The following DRAM2 variants were observed in gnomAD, a reference collection of about 807,000 sequenced individuals.
The protein encoded by DRAM2 is DNA damage-regulated autophagy modulator protein 2.
DRAM2 carries 26 observed loss-of-function variants against 33.5 expected under a neutral mutation model. The ratio of observed to expected loss-of-function variants is 0.78; its 90% CI spans 0.57 to 1.08. DRAM2 has a LOEUF of 1.08. Among genes scored for constraint, DRAM2 ranks in the 50% least tolerant of loss-of-function variants. DRAM2 has a pLI of 0.00. For missense variants in DRAM2, 311 were observed against 318.1 expected (o/e 0.98, Z 0.17); for synonymous variants, 98 against 109.5 (o/e 0.89, Z 0.66).
intron 1 of DRAM2, 84 bp downstream of exon 1, chr1:111,139,954 C>G (rs986082169): frequency 6.6e-6 from 1 of 152,464 alleles, no homozygotes; most frequent in Non-Finnish European, 1.5e-5. Flanking sequence ...CCCGAGCTGC[C>G]AGATCCCACC....
intron 6 of DRAM2, 81 bp downstream of exon 6, chr1:111,124,661 A>T: frequency 6.9e-7 from 1 of 1,454,904 alleles, no homozygotes; most frequent in South Asian, 1.3e-5. Context: ...AACAGCATGT[A>T]ACTGAATGCT....
chr1:111,138,797 A>G (rs1045162900), intron 2 of DRAM2, among the ~76,000 whole-genome samples: 1 of 152,210 alleles, frequency 6.6e-6, no homozygotes, highest in Admixed American at 6.5e-5. Context: ...AAAGAAAAGA[A>G]AAAGTCTTGC....
chr1:111,137,882 TAGAG>T (rs1253245275), intron 2 of DRAM2, among the ~76,000 whole-genome samples: 2 of 152,212 alleles, frequency 1.3e-5, no homozygotes, highest in African/African-American at 4.8e-5. Flanking sequence ...TCTTCTCCTA[TAGAG>T]AGACATGAGG....
intron 4 of DRAM2, among the ~76,000 whole-genome samples, chr1:111,126,519 TA>T (rs1651054004): frequency 6.6e-6 from 1 of 151,980 alleles, no homozygotes; most frequent in Admixed American, 6.6e-5. Flanking sequence ...CTCTTCCACA[TA>T]GTAGAAATCA....
chr1:111,130,561 G>A lies in DRAM2; in HGVS notation c.131+863C>T, dbSNP rs1035193783. 3.3e-5 allele frequency among the ~76,000 whole-genome samples: 5 copies of A among 150,148 alleles called. 1 individual carries two copies. Among genetic ancestry groups the A allele is most frequent in the South Asian group, 2.1e-4 (1 of 4,742 alleles). ...TCTACTAAAAATACAAAAATTAGGC[G>A]TGGTGGTGTGCGCCTGTAATTCTAG... On this transcript the variant is annotated intron_variant, in intron 4 of 9. Coordinates refer to ENST00000484310, the MANE Select transcript of DRAM2 (RefSeq NM_001349884.2).
intron 9 of DRAM2, 63 bp from the exon 10 acceptor site, chr1:111,118,330 T>C (rs1649330780): frequency 9.3e-7 from 1 of 1,070,892 alleles, no homozygotes; most frequent in Non-Finnish European, 1.4e-6. Context: ...ACTCCTTCAA[T>C]ATGTTCTATA....
intron 2 of DRAM2, among the ~76,000 whole-genome samples, chr1:111,138,483 G>A (rs1653735165): frequency 6.6e-6 from 1 of 152,206 alleles, no homozygotes; most frequent in South Asian, 2.1e-4. Context: ...CAGTAAGAAT[G>A]TTTATAAAAA....
chr1:111,134,206 ATTTT>A (rs1175117837), intron 3 of DRAM2, among the ~76,000 whole-genome samples: 2 of 152,088 alleles, frequency 1.3e-5, no homozygotes, highest in African/African-American at 2.4e-5. Flanking sequence ...CATGCTTTTA[ATTTT>A]TTTAATTTTT....
intron 4 of DRAM2, among the ~76,000 whole-genome samples, chr1:111,129,231 A>T (rs762507726): frequency 6.6e-5 from 10 of 152,232 alleles, no homozygotes; most frequent in Non-Finnish European, 8.8e-5. Context: ...TAAACAAATG[A>T]ATAAATGAAA....
At chr1:111,122,619 T>G (rs1197149620) in intron 6 of DRAM2, 1 of 151,480 alleles carries the variant, frequency 6.6e-6, no homozygotes, top group East Asian at 1.9e-4. Context: ...CACTCACCAC[T>G]TTAATTAAGT....
At chr1:111,136,828 G>C (rs1653277220) in intron 3 of DRAM2, among the ~76,000 whole-genome samples, 1 of 151,980 alleles carries the variant, frequency 6.6e-6, no homozygotes, top group Non-Finnish European at 1.5e-5. Context: ...CAAAAAATTA[G>C]CCGGGGGTGA....
chr1:111,136,791 G>A lies in DRAM2; in HGVS notation c.-15+732C>T, dbSNP rs578192072. ...CACGTGTCACCATCCTGGCCAACAC[G>A]GTGAAACCCCGTTTCTACTAGAAAT... On this transcript the variant is annotated intron_variant, in intron 3 of 9. Coordinates refer to ENST00000484310, the MANE Select transcript of DRAM2 (RefSeq NM_001349884.2). Among the ~76,000 whole-genome samples, 130 of 152,244 alleles carry A rather than the reference G, an allele frequency of 8.5e-4. 1 individual carries two copies. The South Asian group carries it at 0.013, about 15-fold the overall frequency.
Position 111,126,235 on chromosome 1 carries a change from G to C in DRAM2, c.191C>G (p.Ala64Gly), listed in dbSNP as rs777961170. 6.2e-7 allele frequency: 1 copy of C among 1,607,848 alleles called. No individual in the cohort carries two copies. Among genetic ancestry groups the C allele is most frequent in the Non-Finnish European group, 8.5e-7 (1 of 1,175,748 alleles). Residue 64 changes from alanine (A) to glycine (G), a missense_variant, in exon 5 of 10, where the codon GCA becomes GGA. Coordinates refer to ENST00000484310, the MANE Select transcript of DRAM2 (RefSeq NM_001349884.2). ...CLFGAMLNIA[A>G]VLCIATIYVR... ...TCACTTTCATTACTTACATAAAACTGCCGCAATATTTAGCATTGCCCCAAA... is the reference window on the plus strand; with the variant it reads ...TCACTTTCATTACTTACATAAAACTCCCGCAATATTTAGCATTGCCCCAAA...
chr1:111,123,942 C>T (rs573639497), intron 6 of DRAM2, among the ~76,000 whole-genome samples: 3 of 152,318 alleles, frequency 2.0e-5, no homozygotes, highest in Admixed American at 2.0e-4. Context: ...CTTGTACAAC[C>T]TGCAGAACTA....
At position 111,127,229 on chromosome 1, in the gene DRAM2, A is replaced by G. The variant is rs375719531; in HGVS notation, c.132-935T>C. Among the ~76,000 whole-genome samples, 5 of 152,318 alleles carry G rather than the reference A, an allele frequency of 3.3e-5. No individual in the cohort carries two copies. In the East Asian group the frequency reaches 7.7e-4, roughly 23 times the overall value. On this transcript the variant is annotated intron_variant, in intron 4 of 9. Coordinates refer to ENST00000484310, the MANE Select transcript of DRAM2 (RefSeq NM_001349884.2). ...TCTTTCCCCTTCTTAAAACTACTAC[A>G]AAGATTAAAAAGACAGTGTCTTTGG...
At position 111,139,537 on chromosome 1, in the gene DRAM2, T is replaced by C. The variant is rs1420248802; in HGVS notation, c.-115A>G. ...GTACTCAACAGGAACGTGTACTCAA[T>C]TAGCTTTTGTGGGAAAGGGTTGAAG... On this transcript the variant is annotated 5_prime_UTR_variant, in exon 2 of 10. Coordinates refer to ENST00000484310, the MANE Select transcript of DRAM2 (RefSeq NM_001349884.2). 1 of 152,208 alleles carries C rather than the reference T, an allele frequency of 6.6e-6. No homozygotes were observed. The highest frequency in any genetic ancestry group is 1.5e-5 in the Non-Finnish European group (1 of 68,056). The allele number at this position is 152,208 out of a possible 1,614,324, so 9.4% of individuals were successfully genotyped here.
At position 111,133,185 on chromosome 1, in the gene DRAM2, T is replaced by C. The variant is rs181395260; in HGVS notation, c.-14-1617A>G. On this transcript the variant is annotated intron_variant, in intron 3 of 9. Transcript: ENST00000484310. The stretch of plus-strand genomic sequence containing the variant: ...TGTCTTGTCTTTACTTACCTTTTTT[T>C]TTTTTTTTTTGAGACAGAGTGTCAC... Among the ~76,000 whole-genome samples, 1,212 of 151,132 alleles carry C rather than the reference T, an allele frequency of 8.0e-3. 17 individuals are homozygous for C. The highest frequency in any genetic ancestry group is 0.028 in the African/African-American group (1,164 of 41,160).
chr1:111,120,213 G>A (rs999758426), intron 7 of DRAM2, among the ~76,000 whole-genome samples: 6 of 151,520 alleles, frequency 4.0e-5, no homozygotes, highest in Admixed American at 4.0e-4. Context: ...TCTTTAACTA[G>A]ATAATGGTTC....
intron 6 of DRAM2, among the ~76,000 whole-genome samples, chr1:111,123,786 C>G (rs974392963): frequency 1.3e-5 from 2 of 152,000 alleles, no homozygotes; most frequent in African/African-American, 4.8e-5. Context: ...CCTGTGAGAG[C>G]TGGTTGTTAA....
Sources: gnomAD v4.1 joint callset for allele counts (sites outside exome capture counted in the v4.1 genomes callset) on GRCh38, gnomAD v4.1.1 for gene constraint, MANE v1.5 for transcripts, NCBI Gene and HGNC (gene_info 2026-07-23, HGNC 2026-07-21) for gene names.